TCF12: variants seen among roughly 807,000 people sequenced by gnomAD.
The protein encoded by TCF12 is transcription factor 12, also known as DNA-binding protein HTF4.
Under a neutral mutation model 86.0 loss-of-function variants are expected in TCF12, and 45 were observed. The observed-to-expected ratio is 0.52, with a 90% CI of 0.41 to 0.67. The LOEUF is 0.67. Ranked by LOEUF, TCF12 falls within the 30% of genes least tolerant of loss-of-function variation. The probability of loss-of-function intolerance (pLI) is 0.00; values close to 1 mark genes in which losing one functional copy is unlikely to be tolerated. For synonymous variants in TCF12, 330 were observed against 299.6 expected (o/e 1.10, Z -1.05); for missense variants, 881 against 859.9 (o/e 1.02, Z -0.31).
intron 5 of TCF12, among the ~76,000 whole-genome samples, chr15:57,098,384 A>C (rs1344703667): frequency 2.6e-5 from 4 of 151,600 alleles, no homozygotes; most frequent in African/African-American, 9.7e-5. Flanking sequence ...CTATTGCTCA[A>C]CTCTCATTAA....
intron 19 of TCF12, among the ~76,000 whole-genome samples, chr15:57,277,813 C>T (rs1751408850): frequency 6.6e-6 from 1 of 151,600 alleles, no homozygotes; most frequent in Non-Finnish European, 1.5e-5. Flanking sequence ...TTGGCTCATA[C>T]CTGAAGTACC....
Position 57,192,161 on chromosome 15 carries a change from A to G in TCF12, c.394A>G (p.Ser132Gly), listed in dbSNP as rs1379700236. The stretch of plus-strand genomic sequence containing the variant: ...TTTCCTTGGCCTTATTTTATAGTCT[A>G]GTCTCCTGAGACAAGATCTGGGGCT... The part of the protein sequence containing the change: ...RDTGLPGCQS[S>G]LLRQDLGLGS... Residue 132 changes from serine (S) to glycine (G), a missense_variant, in exon 7 of 21, where the codon AGT (serine) becomes GGT (glycine). Physicochemically the swap from Ser to Gly is moderately conservative, Grantham distance 56. Around this residue, in one of 3 missense-constraint regions of TCF12, gnomAD observed 766 missense variants for 718.9 expected, o/e 1.07. Transcript: ENST00000333725. 1.2e-6 allele frequency: 2 copies of G among 1,613,700 alleles called. No individual in the cohort carries two copies. Among genetic ancestry groups the G allele is most frequent in the Non-Finnish European group, 1.7e-6 (2 of 1,179,926 alleles).
chr15:57,094,578 A>T (rs1037791584), intron 5 of TCF12, among the ~76,000 whole-genome samples: 1 of 152,170 alleles, frequency 6.6e-6, no homozygotes, highest in Admixed American at 6.6e-5. Context: ...AATTTAAGGG[A>T]GTTTCTGGCT....
intron 3 of TCF12, among the ~76,000 whole-genome samples, chr15:56,989,447 A>AC (rs1167887060): frequency 1.3e-5 from 2 of 152,186 alleles, no homozygotes; most frequent in African/African-American, 4.8e-5. Context: ...AACAAACAAA[A>AC]CAAAAAAACC....
chr15:56,990,252 T>C (rs570503730), intron 3 of TCF12, among the ~76,000 whole-genome samples: 2 of 139,524 alleles, frequency 1.4e-5, no homozygotes, highest in Admixed American at 7.2e-5. Flanking sequence ...TGTGTGTGCG[T>C]GTGCGTGTGT....
chr15:57,178,760 T>G (rs1446161020), intron 6 of TCF12, among the ~76,000 whole-genome samples: 1 of 152,216 alleles, frequency 6.6e-6, no homozygotes, highest in Non-Finnish European at 1.5e-5. Flanking sequence ...GCTTAGAGTA[T>G]GCTCACTACT....
At chr15:57,095,127 C>T (rs1488436099) in intron 5 of TCF12, among the ~76,000 whole-genome samples, 2 of 152,044 alleles carry the variant, frequency 1.3e-5, no homozygotes, top group East Asian at 1.9e-4. Context: ...TCTTATGTTT[C>T]GAGTGAAATA....
intron 5 of TCF12, among the ~76,000 whole-genome samples, chr15:57,158,631 G>A (rs1325646840): frequency 6.6e-5 from 10 of 152,298 alleles, no homozygotes; most frequent in Non-Finnish European, 8.8e-5. Context: ...ACAGGAAGCT[G>A]GTGCAAAATT....
chr15:56,946,800 T>C (rs866083512), intron 3 of TCF12, among the ~76,000 whole-genome samples: 2,172 of 95,058 alleles, frequency 0.023, 56 homozygotes, highest in African/African-American at 0.065. Flanking sequence ...TAAAGTACCT[T>C]TTTTTTTTTT....
intron 3 of TCF12, among the ~76,000 whole-genome samples, chr15:56,996,983 C>A (rs1458788924): frequency 6.6e-6 from 1 of 152,026 alleles, no homozygotes; most frequent in Non-Finnish European, 1.5e-5. Flanking sequence ...CAGATGCTGG[C>A]AATGCTATGG....
rs1311615746 is a variant in TCF12 at position 57,287,679 on chromosome 15, A to G, written c.*1534A>G. 6.6e-6 allele frequency: 1 copy of G among 152,670 alleles called. No homozygotes were observed. The highest frequency in any genetic ancestry group is 1.5e-5 in the Non-Finnish European group (1 of 68,040). 9.5% of individuals were successfully genotyped at this position (152,670 alleles called of 1,614,324 possible). On this transcript the variant is annotated 3_prime_UTR_variant, in exon 21 of 21. Transcript: ENST00000333725. ...TGGCAATCAGCACACAGAGGAAAGGACCCAAATCACTATGTAGCTTAAAGA... is the reference window on the plus strand; with the variant it reads ...TGGCAATCAGCACACAGAGGAAAGGGCCCAAATCACTATGTAGCTTAAAGA...
intron 5 of TCF12, among the ~76,000 whole-genome samples, chr15:57,107,270 GAACCGT>G (rs1378837460): frequency 7.0e-6 from 1 of 143,820 alleles, no homozygotes; most frequent in African/African-American, 2.5e-5. Flanking sequence ...AGAGATGGAG[GAACCGT>G]AAGTGCAGAT....
At chr15:57,137,053 C>T (rs2052599386) in intron 5 of TCF12, among the ~76,000 whole-genome samples, 1 of 141,006 alleles carries the variant, frequency 7.1e-6, no homozygotes, top group South Asian at 2.3e-4. Flanking sequence ...GATCTCGGCT[C>T]ACTGCGAGCT....
intron 3 of TCF12, among the ~76,000 whole-genome samples, chr15:56,969,513 A>T (rs1283803534): frequency 1.1e-4 from 17 of 148,912 alleles, no homozygotes; most frequent in African/African-American, 4.0e-4. Context: ...GATACACTAT[A>T]CTATTAGACA....
intron 3 of TCF12, among the ~76,000 whole-genome samples, chr15:56,994,744 G>A (rs1288447192): frequency 6.6e-6 from 1 of 152,014 alleles, no homozygotes. Flanking sequence ...GGTGACATAA[G>A]GGCATTTTCC....
At chr15:57,210,032 C>G (rs2058036089) in intron 8 of TCF12, among the ~76,000 whole-genome samples, 1 of 152,134 alleles carries the variant, frequency 6.6e-6, no homozygotes, top group African/African-American at 2.4e-5. Flanking sequence ...CAACATACCC[C>G]TAGTACCTCC....
intron 3 of TCF12, among the ~76,000 whole-genome samples, chr15:56,971,046 T>G (rs546838981): frequency 6.6e-6 from 1 of 152,156 alleles, no homozygotes; most frequent in Non-Finnish European, 1.5e-5. Flanking sequence ...AGACCCTGTC[T>G]CAAAACACAA....
chr15:57,257,885 T>G (rs1339993042), intron 16 of TCF12, among the ~76,000 whole-genome samples: 1 of 152,186 alleles, frequency 6.6e-6, no homozygotes, highest in African/African-American at 2.4e-5. Context: ...TTTTTAGAAC[T>G]ATTGAAATGT....
chr15:57,100,291 A>G (rs1596524996), intron 5 of TCF12, among the ~76,000 whole-genome samples: 1 of 152,186 alleles, frequency 6.6e-6, no homozygotes, highest in Admixed American at 6.5e-5. Context: ...GTTCTGCTAT[A>G]TGCGTAGAAT....
Sources: allele counts gnomAD v4.1 joint callset (sites outside exome capture counted in the v4.1 genomes callset), GRCh38; gene constraint gnomAD v4.1.1; regional missense constraint gnomAD v4.1.1; transcripts MANE v1.5; gene names NCBI Gene and HGNC (gene_info 2026-07-23, HGNC 2026-07-21).